The following C16orf87 variants were observed in gnomAD, a reference collection of about 807,000 sequenced individuals.
C16orf87 encodes UPF0547 protein C16orf87.
A neutral mutation model predicts 21.0 loss-of-function variants in C16orf87; 13 were observed. The observed-to-expected ratio is 0.62, with a 90% CI of 0.40 to 0.98. The LOEUF (loss-of-function observed/expected upper bound fraction) is 0.98. C16orf87 is among the 50% of genes least tolerant of loss of function. C16orf87 has a pLI of 0.00. For synonymous variants in C16orf87, 49 were observed against 60.2 expected (o/e 0.81, Z 0.86); for missense variants, 113 against 180.4 (o/e 0.63, Z 2.14).
At chr16:46,826,791 A>G (rs138859941) in intron 1 of C16orf87, among the ~76,000 whole-genome samples, 25 of 152,328 alleles carry the variant, frequency 1.6e-4, no homozygotes, top group Non-Finnish European at 2.1e-4. Context: ...CATTTCCTTT[A>G]CACCTAAACA....
chr16:46,830,307 A>AGAGAGAGTGT lies in C16orf87; in HGVS notation c.66+776_66+777insACACTCTCTC, dbSNP rs758468161. Among the ~76,000 whole-genome samples the AGAGAGAGTGT allele has an allele frequency of 9.2e-5, 10 of 109,236 alleles. No homozygotes were observed. In the South Asian group the frequency reaches 1.0e-3, roughly 11 times the overall value. The allele number at this position is 109,236 out of a possible 152,430, so 71.7% of individuals were successfully genotyped here. A position where few individuals can be genotyped will look rare whatever the true frequency, so the allele number is the denominator to read the frequency against. ...GAGAGAGAGAGAGAGAGAGAGAGAG[A>AGAGAGAGTGT]GACACACAGAGACATTCAGACAGAC... On this transcript the variant is annotated intron_variant, in intron 1 of 3. Transcript: ENST00000285697.
intron 2 of C16orf87, among the ~76,000 whole-genome samples, chr16:46,822,324 C>T (rs925789818): frequency 6.6e-6 from 1 of 152,162 alleles, no homozygotes; most frequent in Non-Finnish European, 1.5e-5. Flanking sequence ...AGCACTTTGT[C>T]TCCCTAAGAA....
intron 1 of C16orf87, among the ~76,000 whole-genome samples, chr16:46,826,820 C>G (rs1185623145): frequency 6.6e-6 from 1 of 152,172 alleles, no homozygotes; most frequent in African/African-American, 2.4e-5. Context: ...AGGGCATCCA[C>G]AGTAATGTAA....
chr16:46,816,461 T>C (rs893432029), intron 2 of C16orf87, among the ~76,000 whole-genome samples: 7 of 152,198 alleles, frequency 4.6e-5, no homozygotes, highest in African/African-American at 1.7e-4. Flanking sequence ...GATACCCTGC[T>C]AAAGCGTAGG....
chr16:46,814,381 A>G (rs1045722253), intron 2 of C16orf87, among the ~76,000 whole-genome samples: 1 of 152,200 alleles, frequency 6.6e-6, no homozygotes, highest in Non-Finnish European at 1.5e-5. Context: ...CAACTGACAT[A>G]AGGAAGCTCT....
intron 1 of C16orf87, among the ~76,000 whole-genome samples, chr16:46,830,253 A>C (rs1366571924): frequency 6.9e-6 from 1 of 145,638 alleles, no homozygotes; most frequent in Non-Finnish European, 1.5e-5. Context: ...AGATAGAGAG[A>C]TAGAGAGAGA....
At chr16:46,809,923 AT>A (rs1485083788) in intron 2 of C16orf87, 138 bp from the exon 3 acceptor site, 1 of 548,490 alleles carries the variant, frequency 1.8e-6, no homozygotes, top group Non-Finnish European at 3.2e-6. Context: ...CAACCATAAC[AT>A]ATATGTCTCC....
chr16:46,804,142 TA>T (rs1967854251), intron 3 of C16orf87, among the ~76,000 whole-genome samples: 1 of 152,222 alleles, frequency 6.6e-6, no homozygotes, highest in Non-Finnish European at 1.5e-5. Context: ...CCTAGTTGTA[TA>T]AATTGTTTTT....
At chr16:46,817,916 CAAAAAAAAAA>C (rs1056745014) in intron 2 of C16orf87, among the ~76,000 whole-genome samples, 2 of 68,294 alleles carry the variant, frequency 2.9e-5, no homozygotes, top group African/African-American at 5.8e-5. Flanking sequence ...CATCAAAAAG[CAAAAAAAAAA>C]AAAAAAAAAA....
At chr16:46,814,649 C>T (rs913316851) in intron 2 of C16orf87, among the ~76,000 whole-genome samples, 15 of 152,132 alleles carry the variant, frequency 9.9e-5, no homozygotes, top group Admixed American at 8.5e-4. Flanking sequence ...CTTACCTACA[C>T]TGATAAACCA....
chr16:46,831,065 C>A lies in C16orf87; in HGVS notation c.66+19G>T. 1 of 1,560,146 alleles carries A rather than the reference C, an allele frequency of 6.4e-7. No homozygotes were observed. ...CAAGCCACTGCCGCCCGCCCGCGCGCCCGGCCCCCGGCACCCACCTGTTGG... is the reference window on the plus strand; with the variant it reads ...CAAGCCACTGCCGCCCGCCCGCGCGACCGGCCCCCGGCACCCACCTGTTGG... On this transcript the variant is annotated intron_variant, in intron 1 of 3. Transcript: ENST00000285697.
At chr16:46,803,125 A>T (rs1185973397) in intron 3 of C16orf87, 55 bp from the exon 4 acceptor site, 2 of 771,940 alleles carry the variant, frequency 2.6e-6, no homozygotes, top group African/African-American at 3.5e-5. Flanking sequence ...CAGTAAATTT[A>T]AATTTTTTAA....
intron 2 of C16orf87, among the ~76,000 whole-genome samples, chr16:46,817,687 C>A (rs1453239763): frequency 6.6e-6 from 1 of 151,008 alleles, no homozygotes; most frequent in East Asian, 1.9e-4. Context: ...GACTCTGTCT[C>A]AAAAAAATAA....
At chr16:46,811,333 G>A (rs774382854) in intron 2 of C16orf87, among the ~76,000 whole-genome samples, 8 of 151,818 alleles carry the variant, frequency 5.3e-5, no homozygotes, top group African/African-American at 1.7e-4. Flanking sequence ...GCAAAACCCC[G>A]TCTCTACTAA....
chr16:46,816,205 A>C (rs1251132318), intron 2 of C16orf87, among the ~76,000 whole-genome samples: 2 of 152,202 alleles, frequency 1.3e-5, no homozygotes, highest in African/African-American at 4.8e-5. Context: ...CAGAGAAAGC[A>C]GAATGGTGGT....
intron 2 of C16orf87, among the ~76,000 whole-genome samples, chr16:46,815,660 A>G (rs1009209248): frequency 1.3e-5 from 2 of 152,152 alleles, no homozygotes; most frequent in African/African-American, 4.8e-5. Context: ...TATCACATCA[A>G]TAAGAAAATG....
chr16:46,830,264 C>CAGAGAGAGAGAGAGAGAGAGAG (rs1253533207), intron 1 of C16orf87, among the ~76,000 whole-genome samples: 3 of 41,216 alleles, frequency 7.3e-5, no homozygotes, highest in African/African-American at 1.5e-4. Flanking sequence ...TAGAGAGAGA[C>CAGAGAGAGAGAGAGAGAGAGAG]AGACAGAGAG....
Position 46,802,825 on chromosome 16 carries a change from A to G in C16orf87, c.*127T>C, listed in dbSNP as rs1967815352. ...CCCGAAGTGTGGCACAGGCTAAACG[A>G]CAGGCGAGAAAGAAACAATCGATGG... On this transcript the variant is annotated 3_prime_UTR_variant, in exon 4 of 4. Coordinates refer to ENST00000285697, the MANE Select transcript of C16orf87 (RefSeq NM_001001436.4). 4 of 643,046 alleles carry G rather than the reference A, an allele frequency of 6.2e-6. No individual in the cohort carries two copies. Among genetic ancestry groups the G allele is most frequent in the Non-Finnish European group, 1.1e-5 (4 of 353,692 alleles). 39.8% of individuals were successfully genotyped at this position (643,046 alleles called of 1,614,324 possible).
intron 2 of C16orf87, among the ~76,000 whole-genome samples, chr16:46,816,792 A>G (rs927702375): frequency 2.6e-5 from 4 of 152,196 alleles, no homozygotes; most frequent in African/African-American, 9.6e-5. Flanking sequence ...ATGACAGGTA[A>G]GTGAAACTGG....
Sources: allele counts gnomAD v4.1 joint callset (sites outside exome capture counted in the v4.1 genomes callset), GRCh38; gene constraint gnomAD v4.1.1; transcripts MANE v1.5; gene names NCBI Gene and HGNC (gene_info 2026-07-23, HGNC 2026-07-21).